The following CFAP144 variants were observed in gnomAD, a reference collection of about 807,000 sequenced individuals.
The protein encoded by CFAP144 is cilia and flagella associated protein 144, also known as cilia- and flagella-associated protein 144.
the CFAP144 span, chr1:43,150,645 C>A: frequency 1.2e-6 from 1 of 830,070 alleles, no homozygotes; most frequent in Non-Finnish European, 2.0e-6. Context: ...TAATACCTGG[C>A]ATGTACCAGA....
At chr1:43,146,485 A>G in the CFAP144 span, among the ~76,000 whole-genome samples, 1 of 152,232 alleles carries the variant, frequency 6.6e-6, no homozygotes, top group African/African-American at 2.4e-5. Context: ...AAAATTAAGA[A>G]GCAATAATCA....
the CFAP144 span, chr1:43,150,886 T>G: frequency 7.5e-7 from 1 of 1,331,330 alleles, no homozygotes; most frequent in Non-Finnish European, 1.1e-6. Flanking sequence ...TGGAGAGACC[T>G]CTCAGGGTCG....
chr1:43,150,929 C>T, the CFAP144 span: 1 of 883,008 alleles, frequency 1.1e-6, no homozygotes, highest in Non-Finnish European at 1.8e-6. Context: ...GAGTCCTCTG[C>T]TTTGATCCTG....
chr1:43,154,095 TATATA>T, the CFAP144 span, among the ~76,000 whole-genome samples: 2 of 132,990 alleles, frequency 1.5e-5, no homozygotes, highest in African/African-American at 5.9e-5. Flanking sequence ...TATATATATA[TATATA>T]CTCTCTTTTT....
the CFAP144 span, chr1:43,148,072 C>A: frequency 1.2e-6 from 2 of 1,613,306 alleles, no homozygotes; most frequent in Non-Finnish European, 1.7e-6. Context: ...TCACGTGAAT[C>A]CCCTCCGCAA....
At chr1:43,156,009 G>A in the CFAP144 span, among the ~76,000 whole-genome samples, 8 of 152,170 alleles carry the variant, frequency 5.3e-5, no homozygotes, top group African/African-American at 1.7e-4. Context: ...CAGTGTGACA[G>A]GGAGAACCAC....
the CFAP144 span, among the ~76,000 whole-genome samples, chr1:43,151,425 G>C: frequency 6.6e-6 from 1 of 152,204 alleles, no homozygotes; most frequent in Non-Finnish European, 1.5e-5. Context: ...AAGTAGACAA[G>C]TAAAGAGGGA....
the CFAP144 span, among the ~76,000 whole-genome samples, chr1:43,146,102 C>T: frequency 6.6e-6 from 1 of 152,214 alleles, no homozygotes; most frequent in Non-Finnish European, 1.5e-5. Flanking sequence ...ATACAGATCT[C>T]ACTGAGAAAG....
At chr1:43,150,478 C>T in the CFAP144 span, among the ~76,000 whole-genome samples, 26 of 152,214 alleles carry the variant, frequency 1.7e-4, no homozygotes, top group African/African-American at 5.8e-4. Context: ...GTGTGACTAA[C>T]GTGGCTAAGG....
At chr1:43,148,088 A>C in the CFAP144 span, 1 of 1,606,764 alleles carries the variant, frequency 6.2e-7, no homozygotes, top group South Asian at 1.1e-5. Context: ...CGCAAGAGTG[A>C]GAGGCACGGC....
At chr1:43,147,497 ACCT>A in the CFAP144 span, among the ~76,000 whole-genome samples, 1 of 151,908 alleles carries the variant, frequency 6.6e-6, no homozygotes, top group Non-Finnish European at 1.5e-5. Context: ...CAGAGAGGAA[ACCT>A]CCGGTTTTTT....
At chr1:43,154,315 A>G in the CFAP144 span, among the ~76,000 whole-genome samples, 1 of 146,412 alleles carries the variant, frequency 6.8e-6, no homozygotes, top group African/African-American at 2.5e-5. Context: ...ATATATAAAT[A>G]AAAATTATTT....
the CFAP144 span, chr1:43,150,808 G>A: frequency 1.2e-6 from 2 of 1,609,864 alleles, no homozygotes; most frequent in Non-Finnish European, 1.7e-6. Context: ...TAACCTGGAG[G>A]AACCTGCAGA....
At chr1:43,147,418 T>C in the CFAP144 span, among the ~76,000 whole-genome samples, 1 of 152,216 alleles carries the variant, frequency 6.6e-6, no homozygotes, top group African/African-American at 2.4e-5. Flanking sequence ...AGTTCCTTAA[T>C]TAGGAAAGGT....
chr1:43,152,900 A>T, the CFAP144 span: 1 of 1,613,424 alleles, frequency 6.2e-7, no homozygotes, highest in Non-Finnish European at 8.5e-7. Flanking sequence ...CAGACTGAAA[A>T]CCAGGAAGTT....
At chr1:43,147,807 A>G in the CFAP144 span, 21 of 1,499,930 alleles carry the variant, frequency 1.4e-5, no homozygotes, top group African/African-American at 2.7e-4. Flanking sequence ...AGGGGCTGGC[A>G]GAGTGAGACC....
At chr1:43,144,108 G>C in the CFAP144 span, among the ~76,000 whole-genome samples, 1 of 152,194 alleles carries the variant, frequency 6.6e-6, no homozygotes. Flanking sequence ...CTTCAGCACC[G>C]CTCACCTAGG....
At chr1:43,150,703 G>T in the CFAP144 span, 4 of 1,459,684 alleles carry the variant, frequency 2.7e-6, no homozygotes, top group African/African-American at 5.6e-5. Context: ...GGACCTTAGA[G>T]AGGGCAGGGA....
the CFAP144 span, chr1:43,150,628 C>A: frequency 1.4e-6 from 1 of 737,242 alleles, no homozygotes; most frequent in Non-Finnish European, 2.3e-6. Flanking sequence ...TATCCTAGCA[C>A]CCAGGATAAT....
Sources: gnomAD v4.1 joint callset for allele counts (sites outside exome capture counted in the v4.1 genomes callset) on GRCh38, gnomAD v4.1.1 for gene constraint, MANE v1.5 for transcripts, NCBI Gene and HGNC (gene_info 2026-07-23, HGNC 2026-07-21) for gene names.